WWTR1: variants seen among roughly 807,000 people sequenced by gnomAD.
The protein encoded by WWTR1 is WW domain containing transcription regulator 1, also known as WW domain-containing transcription regulator protein 1.
A neutral mutation model predicts 40.1 loss-of-function variants in WWTR1; 13 were observed. The ratio of observed to expected loss-of-function variants is 0.32; its 90% CI spans 0.21 to 0.52. The LOEUF (loss-of-function observed/expected upper bound fraction) is 0.52, where lower values mean the gene tolerates loss of function less well. Among genes scored for constraint, WWTR1 ranks in the 20% least tolerant of loss-of-function variants. WWTR1 has a pLI of 0.97. For synonymous variants in WWTR1, 230 were observed against 210.1 expected (o/e 1.09, Z -0.82); for missense variants, 436 against 523.1 (o/e 0.83, Z 1.63).
chr3:149,689,385 A>AC, intron 1 of WWTR1, among the ~76,000 whole-genome samples: 1 of 143,496 alleles, frequency 7.0e-6, no homozygotes, highest in Admixed American at 7.1e-5. Flanking sequence ...TATCTCAAAA[A>AC]AAAAAAAAAA....
At chr3:149,701,121 AT>A (rs1219277041) in intron 1 of WWTR1, among the ~76,000 whole-genome samples, 1 of 152,116 alleles carries the variant, frequency 6.6e-6, no homozygotes, top group African/African-American at 2.4e-5. Flanking sequence ...CCCTGTCCTG[AT>A]TTTAAAAGCC....
chr3:149,520,518 G>C lies in WWTR1; in HGVS notation c.*287C>G, dbSNP rs1463376654. On this transcript the variant is annotated 3_prime_UTR_variant, in exon 7 of 7. Coordinates refer to ENST00000360632, the MANE Select transcript of WWTR1 (RefSeq NM_015472.6). Reference sequence around the variant, plus strand: ...AGCTTAGCCATGGGGCAGCAGAGAAGAAAGAGAAAAGTATTCTGCATAATC... The same window carrying C: ...AGCTTAGCCATGGGGCAGCAGAGAACAAAGAGAAAAGTATTCTGCATAATC... 2 of 257,218 alleles carry C rather than the reference G, an allele frequency of 7.8e-6. No individual in the cohort carries two copies. The highest frequency in any genetic ancestry group is 4.4e-5 in the African/African-American group (2 of 45,346). 15.9% of individuals were successfully genotyped at this position (257,218 alleles called of 1,614,324 possible).
intron 2 of WWTR1, among the ~76,000 whole-genome samples, chr3:149,598,862 T>C (rs1297824822): frequency 6.6e-6 from 1 of 152,222 alleles, no homozygotes; most frequent in Non-Finnish European, 1.5e-5. Context: ...TCAGTACCAC[T>C]GGGTCAAAGA....
chr3:149,678,051 G>A (rs1411007025), intron 1 of WWTR1, among the ~76,000 whole-genome samples: 3 of 152,150 alleles, frequency 2.0e-5, no homozygotes, highest in South Asian at 2.1e-4. Flanking sequence ...GATTACAGGC[G>A]GGGGCCACCA....
At chr3:149,592,492 T>C (rs1195343318) in intron 2 of WWTR1, among the ~76,000 whole-genome samples, 1 of 152,184 alleles carries the variant, frequency 6.6e-6, no homozygotes, top group Non-Finnish European at 1.5e-5. Context: ...AGTACAATGC[T>C]ATGAAGCCCT....
intron 2 of WWTR1, among the ~76,000 whole-genome samples, chr3:149,650,716 T>C (rs1042060853): frequency 6.6e-6 from 1 of 152,120 alleles, no homozygotes; most frequent in South Asian, 2.1e-4. Flanking sequence ...TTCCAAACAA[T>C]AAAAACTAGA....
intron 1 of WWTR1, among the ~76,000 whole-genome samples, chr3:149,699,135 A>G (rs868768960): frequency 1.9e-4 from 29 of 152,292 alleles, no homozygotes; most frequent in African/African-American, 6.3e-4. Context: ...AAATTTTCCA[A>G]ACTTTTACAG....
In WWTR1 at chr3:149,607,463, C is replaced by T. The variant is rs141466560; in HGVS notation, c.432-34463G>A. ...CTGAGTAGCTGGGACTACAGGCACA[C>T]GCCGCAATGCCCGGGTAAATTTTTG... is the stretch of plus-strand genomic sequence containing the variant. On this transcript the variant is annotated intron_variant, in intron 2 of 6. Coordinates refer to ENST00000360632, the MANE Select transcript of WWTR1 (RefSeq NM_015472.6). Among the ~76,000 whole-genome samples, 14 of 152,178 alleles carry T rather than the reference C, an allele frequency of 9.2e-5. No homozygotes were observed. In the East Asian group the frequency reaches 1.4e-3, roughly 15 times the overall value.
intron 2 of WWTR1, among the ~76,000 whole-genome samples, chr3:149,590,050 C>T (rs1049542357): frequency 3.3e-5 from 5 of 152,112 alleles, no homozygotes; most frequent in Non-Finnish European, 5.9e-5. Flanking sequence ...GCAAACTGCT[C>T]GGCTGAGCCT....
chr3:149,544,360 T>C (rs1736272364), intron 3 of WWTR1, among the ~76,000 whole-genome samples: 1 of 152,222 alleles, frequency 6.6e-6, no homozygotes, highest in African/African-American at 2.4e-5. Context: ...TTTTTGTCCA[T>C]ACGCTCACTG....
Position 149,568,523 on chromosome 3 carries a change from C to CAAAAAAAAAAAAAA in WWTR1, c.568+4327_568+4340dup, listed in dbSNP as rs34414853. Among the ~76,000 whole-genome samples, 33 of 64,816 alleles carry CAAAAAAAAAAAAAA rather than the reference C, an allele frequency of 5.1e-4. 10 individuals are homozygous for CAAAAAAAAAAAAAA. The highest frequency in any genetic ancestry group is 9.2e-4 in the Non-Finnish European group (29 of 31,614). 42.5% of individuals were successfully genotyped at this position (64,816 alleles called of 152,430 possible). A position where few individuals can be genotyped will look rare whatever the true frequency, so the allele number is the denominator to read the frequency against. ...GGAGATGGCTATTTGAATTAAAGTG[C>CAAAAAAAAAAAAAA]AAAAAAAAAAAAAAAAAAAAAAAAA... is the stretch of plus-strand genomic sequence containing the variant. On this transcript the variant is annotated intron_variant, in intron 3 of 6. Coordinates refer to ENST00000360632, the MANE Select transcript of WWTR1 (RefSeq NM_015472.6).
intron 2 of WWTR1, among the ~76,000 whole-genome samples, chr3:149,615,453 G>A (rs949211578): frequency 2.0e-4 from 31 of 152,168 alleles, no homozygotes; most frequent in Non-Finnish European, 1.5e-5. Context: ...GAATGTGGAC[G>A]ATTGCTGAAG....
At chr3:149,699,855 AC>A (rs1200818661) in intron 1 of WWTR1, among the ~76,000 whole-genome samples, 1 of 151,796 alleles carries the variant, frequency 6.6e-6, no homozygotes, top group Non-Finnish European at 1.5e-5. Flanking sequence ...AACTCTTCCA[AC>A]CTCTGCCTGT....
upstream of WWTR1, among the ~76,000 whole-genome samples, chr3:149,706,537 C>T (rs1327738475): frequency 2.6e-5 from 4 of 152,016 alleles, no homozygotes; most frequent in South Asian, 2.1e-4. Flanking sequence ...AGGCTGGTCC[C>T]GAACTCCTGA....
intron 4 of WWTR1, among the ~76,000 whole-genome samples, chr3:149,538,391 TAAAAG>T (rs1288767548): frequency 6.6e-6 from 1 of 152,026 alleles, no homozygotes; most frequent in African/African-American, 2.4e-5. Context: ...TCAGTAAAAA[TAAAAG>T]AAAACTCTAT....
Position 149,533,760 on chromosome 3 carries a change from G to GA in WWTR1, c.772-5792dup, listed in dbSNP as rs111493790. Among the ~76,000 whole-genome samples, 67 of 148,016 alleles carry GA rather than the reference G, an allele frequency of 4.5e-4. 2 individuals are homozygous for GA. The highest frequency in any genetic ancestry group is 1.3e-3 in the South Asian group (6 of 4,696). On this transcript the variant is annotated intron_variant, in intron 4 of 6. Coordinates refer to ENST00000360632, the MANE Select transcript of WWTR1 (RefSeq NM_015472.6). Reference sequence around the variant, plus strand: ...ACCTTTCTTGACAGTTTGTTCACCTGAAAAAAAAAAGGTGGTTTATAAGAC... The same window carrying GA: ...ACCTTTCTTGACAGTTTGTTCACCTGAAAAAAAAAAAGGTGGTTTATAAGAC...
chr3:149,549,312 A>G (rs1425381821), intron 3 of WWTR1, among the ~76,000 whole-genome samples: 1 of 152,222 alleles, frequency 6.6e-6, no homozygotes, highest in Non-Finnish European at 1.5e-5. Flanking sequence ...AGTCATGATA[A>G]TGGTGTGCAC....
At chr3:149,568,439 G>A (rs904217581) in intron 3 of WWTR1, among the ~76,000 whole-genome samples, 2 of 140,996 alleles carry the variant, frequency 1.4e-5, no homozygotes, top group Non-Finnish European at 3.0e-5. Context: ...ATCCAAATTG[G>A]TAAAGCCTGA....
chr3:149,645,394 A>C (rs957430655), intron 2 of WWTR1, among the ~76,000 whole-genome samples: 1 of 151,112 alleles, frequency 6.6e-6, no homozygotes, highest in Non-Finnish European at 1.5e-5. Flanking sequence ...CTGCTCTTAA[A>C]CTCCTGACCT....
Sources: gnomAD v4.1 joint callset for allele counts (sites outside exome capture counted in the v4.1 genomes callset) on GRCh38, gnomAD v4.1.1 for gene constraint, MANE v1.5 for transcripts, NCBI Gene and HGNC (gene_info 2026-07-23, HGNC 2026-07-21) for gene names.